The following PXDNL variants were observed in gnomAD, a reference collection of about 807,000 sequenced individuals.
The protein encoded by PXDNL is peroxidasin like, also known as probable oxidoreductase PXDNL.
A neutral mutation model predicts 150.8 loss-of-function variants in PXDNL; 145 were observed. The ratio of observed to expected loss-of-function variants is 0.96; its 90% confidence interval spans 0.84 to 1.10. PXDNL has a LOEUF of 1.10. Ranked by LOEUF, PXDNL falls within the 50% of genes least tolerant of loss-of-function variation. The pLI is 0.00. For synonymous variants in PXDNL, 757 were observed against 725.7 expected, an observed-to-expected ratio of 1.04 and a Z score of -0.69; for missense variants, 2,087 against 1,873.9, an observed-to-expected ratio of 1.11 and a Z score of -2.10.
intron 17 of PXDNL, among the ~76,000 whole-genome samples, chr8:51,378,956 A>G (rs1807449854): frequency 6.6e-6 from 1 of 152,192 alleles, no homozygotes; most frequent in Admixed American, 6.5e-5. Context: ...TGAGACCAAG[A>G]ACCCACCAAT....
At chr8:51,642,271 G>T (rs990668157) in intron 2 of PXDNL, among the ~76,000 whole-genome samples, 1 of 151,832 alleles carries the variant, frequency 6.6e-6, no homozygotes, top group African/African-American at 2.4e-5. Flanking sequence ...ATGAGTTAAT[G>T]GGTGCAGCAC....
intron 4 of PXDNL, among the ~76,000 whole-genome samples, chr8:51,516,721 C>T (rs1445749940): frequency 6.6e-6 from 1 of 152,164 alleles, no homozygotes; most frequent in African/African-American, 2.4e-5. Context: ...CCATTGGCTA[C>T]ATCGTAAATC....
intron 1 of PXDNL, among the ~76,000 whole-genome samples, chr8:51,761,105 C>G (rs1444914411): frequency 6.7e-6 from 1 of 148,766 alleles, no homozygotes; most frequent in Non-Finnish European, 1.5e-5. Context: ...GAACTGCTGA[C>G]CTCGTGATCC....
intron 1 of PXDNL, among the ~76,000 whole-genome samples, chr8:51,680,724 G>A (rs528910062): frequency 2.1e-4 from 32 of 152,290 alleles, no homozygotes; most frequent in Admixed American, 3.3e-4. Context: ...CTCCCATGTA[G>A]GACTACTGCT....
Position 51,799,726 on chromosome 8 carries a change from C to T in PXDNL, c.164+9455G>A, listed in dbSNP as rs150012221. 2.4e-3 allele frequency among the ~76,000 whole-genome samples: 372 copies of T among 152,280 alleles called. 3 individuals carry two copies. Among genetic ancestry groups the T allele is most frequent in the Admixed American group, 5.6e-3 (86 of 15,296 alleles). Reference sequence around the variant, plus strand: ...AGGGCAAGGTGAGCCAGGAAGGGAACGGCTCCAGGTAAGGAGGCATTCTGA... The same window carrying T: ...AGGGCAAGGTGAGCCAGGAAGGGAATGGCTCCAGGTAAGGAGGCATTCTGA... On this transcript the variant is annotated intron_variant, in intron 1 of 22. Transcript: ENST00000356297.
intron 1 of PXDNL, among the ~76,000 whole-genome samples, chr8:51,756,126 G>T (rs2037098263): frequency 6.6e-6 from 1 of 152,092 alleles, no homozygotes; most frequent in Non-Finnish European, 1.5e-5. Flanking sequence ...GGGTGCAGTG[G>T]CTCACCCCTG....
intron 19 of PXDNL, among the ~76,000 whole-genome samples, chr8:51,352,266 T>A (rs535550890): frequency 5.3e-5 from 8 of 152,276 alleles, no homozygotes; most frequent in African/African-American, 1.9e-4. Context: ...AAAGAAATCA[T>A]TATTTCAAAA....
At chr8:51,538,267 C>T (rs1012449764) in intron 4 of PXDNL, among the ~76,000 whole-genome samples, 18 of 152,198 alleles carry the variant, frequency 1.2e-4, no homozygotes, top group African/African-American at 4.3e-4. Context: ...AAAATTTTTG[C>T]TCTGGTATAA....
intron 1 of PXDNL, among the ~76,000 whole-genome samples, chr8:51,664,678 G>T (rs1484709885): frequency 6.6e-6 from 1 of 152,090 alleles, no homozygotes; most frequent in Admixed American, 6.5e-5. Context: ...GACTCTGGGG[G>T]AGTCAGACAC....
chr8:51,393,092 T>C (rs1284315056), intron 17 of PXDNL, among the ~76,000 whole-genome samples: 1 of 152,232 alleles, frequency 6.6e-6, no homozygotes, highest in Non-Finnish European at 1.5e-5. Flanking sequence ...GTGAATGTCA[T>C]GCCGCTCTGA....
chr8:51,331,181 C>T (rs1805675029), intron 21 of PXDNL, among the ~76,000 whole-genome samples: 1 of 152,136 alleles, frequency 6.6e-6, no homozygotes, highest in African/African-American at 2.4e-5. Flanking sequence ...GAAAAGGAAA[C>T]CCTCCTTTCC....
chr8:51,510,916 ATGT>A (rs1179907574), intron 4 of PXDNL, among the ~76,000 whole-genome samples: 15 of 152,244 alleles, frequency 9.9e-5, no homozygotes, highest in African/African-American at 3.6e-4. Context: ...CAGGAAATTG[ATGT>A]TGTCAGTGCT....
chr8:51,617,640 A>G (rs1238880639), intron 2 of PXDNL, among the ~76,000 whole-genome samples: 1 of 152,210 alleles, frequency 6.6e-6, no homozygotes, highest in African/African-American at 2.4e-5. Context: ...GTGCTCTCTG[A>G]GTGTTGGGAC....
intron 4 of PXDNL, among the ~76,000 whole-genome samples, chr8:51,551,937 C>G (rs1812496663): frequency 6.6e-6 from 1 of 152,134 alleles, no homozygotes; most frequent in Non-Finnish European, 1.5e-5. Flanking sequence ...TGACAAAGGA[C>G]TAACATCCAG....
intron 2 of PXDNL, among the ~76,000 whole-genome samples, chr8:51,635,061 T>C (rs1043198827): frequency 2.0e-5 from 3 of 152,092 alleles, no homozygotes; most frequent in African/African-American, 4.8e-5. Context: ...TTCTAGTTTT[T>C]AAGGGGAATG....
chr8:51,695,080 G>T (rs1185846391), intron 1 of PXDNL, among the ~76,000 whole-genome samples: 1 of 152,062 alleles, frequency 6.6e-6, no homozygotes, highest in African/African-American at 2.4e-5. Flanking sequence ...GGATGCTAAG[G>T]GCTGGATACC....
At chr8:51,681,532 C>G (rs533014491) in intron 1 of PXDNL, among the ~76,000 whole-genome samples, 152 of 152,342 alleles carry the variant, frequency 1.0e-3, no homozygotes, top group African/African-American at 3.4e-3. Flanking sequence ...AGCCCACATG[C>G]TGCTGCAGAT....
chr8:51,682,612 C>T (rs2130849084), intron 1 of PXDNL, among the ~76,000 whole-genome samples: 1 of 152,300 alleles, frequency 6.6e-6, no homozygotes, highest in Middle Eastern at 3.4e-3. Context: ...CCTACCTCCT[C>T]TTCAGCTGCA....
chr8:51,344,034 TG>T (rs772407024), intron 20 of PXDNL, among the ~76,000 whole-genome samples: 1 of 152,216 alleles, frequency 6.6e-6, no homozygotes, highest in Non-Finnish European at 1.5e-5. Flanking sequence ...CAGAATGTTC[TG>T]GAAGAATGTT....
Sources: gnomAD v4.1 joint callset for allele counts (sites outside exome capture counted in the v4.1 genomes callset) on GRCh38, gnomAD v4.1.1 for gene constraint, MANE v1.5 for transcripts, NCBI Gene and HGNC (gene_info 2026-07-23, HGNC 2026-07-21) for gene names.